SAMTOR: variants seen among roughly 807,000 people sequenced by gnomAD.
SAMTOR encodes the protein UPF0532 protein C7orf60.
the SAMTOR span, chr7:112,820,380 A>T: frequency 6.6e-6 from 1 of 152,352 alleles, no homozygotes; most frequent in Non-Finnish European, 1.5e-5. Flanking sequence ...AAAAACATAC[A>T]AACATACGCA....
At chr7:112,885,669 T>C in the SAMTOR span, among the ~76,000 whole-genome samples, 12 of 152,192 alleles carry the variant, frequency 7.9e-5, no homozygotes, top group African/African-American at 2.2e-4. Context: ...GACAAGTCTT[T>C]AGGAAGTTCC....
the SAMTOR span, among the ~76,000 whole-genome samples, chr7:112,897,023 G>A: frequency 6.6e-6 from 1 of 152,128 alleles, no homozygotes; most frequent in Non-Finnish European, 1.5e-5. Context: ...AAAAAACCCT[G>A]AGCCTAGTGC....
chr7:112,862,777 A>C, the SAMTOR span, among the ~76,000 whole-genome samples: 1 of 152,116 alleles, frequency 6.6e-6, no homozygotes, highest in African/African-American at 2.4e-5. Context: ...AAAGATACAA[A>C]AATTAGCAGG....
the SAMTOR span, among the ~76,000 whole-genome samples, chr7:112,900,077 A>T: frequency 6.6e-6 from 1 of 152,140 alleles, no homozygotes; most frequent in Non-Finnish European, 1.5e-5. Flanking sequence ...CTATTCATAT[A>T]TTCAGAGGAA....
chr7:112,822,027 T>C, the SAMTOR span: 2 of 1,613,774 alleles, frequency 1.2e-6, no homozygotes, highest in Non-Finnish European at 1.7e-6. Context: ...CAGATGCATA[T>C]GTGAAAATTT....
chr7:112,873,730 A>T, the SAMTOR span, among the ~76,000 whole-genome samples: 2 of 152,180 alleles, frequency 1.3e-5, no homozygotes, highest in Non-Finnish European at 2.9e-5. Context: ...TAATTAAACT[A>T]AAGAGCTTCT....
chr7:112,937,230 G>C, the SAMTOR span, among the ~76,000 whole-genome samples: 1 of 152,216 alleles, frequency 6.6e-6, no homozygotes, highest in Admixed American at 6.5e-5. Flanking sequence ...AATGCTAAGA[G>C]GTTCCTTCTA....
chr7:112,902,680 C>A, the SAMTOR span, among the ~76,000 whole-genome samples: 2 of 151,890 alleles, frequency 1.3e-5, no homozygotes, highest in African/African-American at 4.8e-5. Context: ...AACAAATGTA[C>A]CACTCTAGTG....
At chr7:112,899,846 A>G in the SAMTOR span, among the ~76,000 whole-genome samples, 2 of 150,476 alleles carry the variant, frequency 1.3e-5, no homozygotes, top group African/African-American at 2.5e-5. Context: ...CCGCAAAGCT[A>G]TTCTTCAAAC....
chr7:112,869,951 A>G, the SAMTOR span, among the ~76,000 whole-genome samples: 3 of 152,224 alleles, frequency 2.0e-5, no homozygotes, highest in Non-Finnish European at 4.4e-5. Context: ...ACAAAGCAGA[A>G]GAAAGAATTT....
the SAMTOR span, among the ~76,000 whole-genome samples, chr7:112,824,987 A>G: frequency 3.3e-5 from 5 of 152,054 alleles, no homozygotes; most frequent in Admixed American, 3.3e-4. Context: ...AAGTTTTTCA[A>G]TTTCTACAAA....
the SAMTOR span, among the ~76,000 whole-genome samples, chr7:112,842,956 C>A: frequency 2.6e-5 from 4 of 151,776 alleles, no homozygotes; most frequent in African/African-American, 9.7e-5. Flanking sequence ...ACTAAAACTA[C>A]AGAAAAGTGC....
chr7:112,902,416 C>CAAAAAAAAAAAAAAA, the SAMTOR span, among the ~76,000 whole-genome samples: 46 of 12,274 alleles, frequency 3.7e-3, 3 homozygotes, highest in East Asian at 8.2e-3. Flanking sequence ...AACTCCGTCT[C>CAAAAAAAAAAAAAAA]AAAAAAAAAA....
chr7:112,834,877 T>A, the SAMTOR span, among the ~76,000 whole-genome samples: 2 of 152,152 alleles, frequency 1.3e-5, no homozygotes. Flanking sequence ...GTAAGTGAAG[T>A]ACCATAAGAC....
the SAMTOR span, among the ~76,000 whole-genome samples, chr7:112,823,170 T>C: frequency 6.6e-6 from 1 of 152,204 alleles, no homozygotes. Context: ...CATAGTCATC[T>C]GGACTGTTTA....
the SAMTOR span, among the ~76,000 whole-genome samples, chr7:112,894,347 T>C: frequency 6.6e-6 from 1 of 152,284 alleles, no homozygotes; most frequent in Admixed American, 6.5e-5. Context: ...ACAATCTTAA[T>C]AGTAACATCA....
the SAMTOR span, chr7:112,939,439 G>A: frequency 3.3e-6 from 4 of 1,207,396 alleles, no homozygotes; most frequent in Non-Finnish European, 4.6e-6. Context: ...CCGACTAGGG[G>A]GCTCAGACCA....
chr7:112,866,770 A>G, the SAMTOR span, among the ~76,000 whole-genome samples: 1 of 152,134 alleles, frequency 6.6e-6, no homozygotes, highest in South Asian at 2.1e-4. Flanking sequence ...CCAAACATAG[A>G]CTCTGCCCAG....
the SAMTOR span, chr7:112,895,774 T>C: frequency 2.2e-6 from 3 of 1,356,030 alleles, no homozygotes; most frequent in Non-Finnish European, 2.0e-6. Flanking sequence ...TTTAACATAC[T>C]GTGTACGACT....
Sources: allele counts gnomAD v4.1 joint callset (sites outside exome capture counted in the v4.1 genomes callset), GRCh38; gene constraint gnomAD v4.1.1; transcripts MANE v1.5; gene names NCBI Gene and HGNC (gene_info 2026-07-23, HGNC 2026-07-21).